The following LIMCH1 variants were observed in gnomAD, a reference collection of about 807,000 sequenced individuals.
LIMCH1 encodes LIM and calponin homology domains 1, also known as LIM and calponin homology domains-containing protein 1.
A neutral mutation model predicts 176.5 loss-of-function variants in LIMCH1; 113 were observed. That is an observed-to-expected ratio of 0.64 (90% CI 0.55 to 0.75). The LOEUF (loss-of-function observed/expected upper bound fraction) is 0.75, where lower values mean the gene tolerates loss of function less well. Ranked by LOEUF, LIMCH1 falls within the 30% of genes least tolerant of loss-of-function variation. LIMCH1 has a pLI of 0.00. For missense variants in LIMCH1, 1,674 were observed against 1,814.9 expected (o/e 0.92, Z 1.41); for synonymous variants, 619 against 645.9 (o/e 0.96, Z 0.63).
chr4:41,471,282 A>T (rs1293177042), intron 1 of LIMCH1, among the ~76,000 whole-genome samples: 1 of 152,232 alleles, frequency 6.6e-6, no homozygotes, highest in East Asian at 1.9e-4. Context: ...ACTACTATGC[A>T]TTATGAGTGT....
chr4:41,460,478 A>ATATATATATATATATATATATATATC lies in LIMCH1; in HGVS notation c.97-34057_97-34056insATATATATATATATATATATATATCT, dbSNP rs1410622782. Among the ~76,000 whole-genome samples, 24 of 145,062 alleles carry ATATATATATATATATATATATATATC rather than the reference A, an allele frequency of 1.7e-4. 1 individual carries two copies. Among genetic ancestry groups the ATATATATATATATATATATATATATC allele is most frequent in the African/African-American group, 5.7e-4 (22 of 38,842 alleles). On this transcript the variant is annotated intron_variant, in intron 1 of 26. Transcript: ENST00000313860. ...ATCATCTATATATATATATATATAT[A>ATATATATATATATATATATATATATC]TCTTATAATATCATGTTATAGATCT...
chr4:41,613,146 T>C (rs1238243895), intron 4 of LIMCH1: 22 of 1,455,466 alleles, frequency 1.5e-5, no homozygotes, highest in East Asian at 2.5e-5. Context: ...CATTGTACTG[T>C]TGTGAATCCA....
chr4:41,581,245 A>C (rs2085377811), intron 1 of LIMCH1, among the ~76,000 whole-genome samples: 1 of 152,140 alleles, frequency 6.6e-6, no homozygotes, highest in Non-Finnish European at 1.5e-5. Flanking sequence ...TGGTATATGT[A>C]TACACCGTGA....
intron 1 of LIMCH1, among the ~76,000 whole-genome samples, chr4:41,388,686 A>G (rs995732584): frequency 5.3e-5 from 8 of 151,690 alleles, no homozygotes; most frequent in African/African-American, 1.9e-4. Flanking sequence ...CTTGTCACCC[A>G]GGCTGGAGTG....
At chr4:41,631,690 T>C (rs2093334746) in intron 10 of LIMCH1, among the ~76,000 whole-genome samples, 1 of 152,238 alleles carries the variant, frequency 6.6e-6, no homozygotes. Flanking sequence ...GTCACCAGAA[T>C]CACTGCCTGG....
In LIMCH1 at chr4:41,593,930, CCT is replaced by C. The variant is rs200079071; in HGVS notation, c.-240-4978_-240-4977del. On this transcript the variant is annotated intron_variant, in intron 1 of 31. Coordinates refer to ENST00000503057, the MANE Select transcript of LIMCH1 (RefSeq NM_001330672.2). ...CACAGACAGGCAGACATACTCGCAA[CCT>C]CTCTCTCTCTCCCTTCCCCCACACG... Among the ~76,000 whole-genome samples, 11 of 151,798 alleles carry C rather than the reference CCT, an allele frequency of 7.2e-5. No individual in the cohort carries two copies. In the East Asian group the frequency reaches 1.3e-3, roughly 19 times the overall value.
intron 1 of LIMCH1, among the ~76,000 whole-genome samples, chr4:41,562,188 C>G (rs573411751): frequency 6.6e-6 from 1 of 152,310 alleles, no homozygotes; most frequent in African/African-American, 2.4e-5. Context: ...ATCAACCTCT[C>G]TCCACTTTGC....
At chr4:41,455,938 T>C (rs1334736560) in intron 1 of LIMCH1, among the ~76,000 whole-genome samples, 2 of 152,242 alleles carry the variant, frequency 1.3e-5, no homozygotes, top group Non-Finnish European at 2.9e-5. Context: ...AAATGACTAG[T>C]AAAATTACTT....
intron 1 of LIMCH1, among the ~76,000 whole-genome samples, chr4:41,578,583 G>A (rs2084880330): frequency 1.3e-5 from 2 of 152,100 alleles, no homozygotes; most frequent in Non-Finnish European, 2.9e-5. Flanking sequence ...TGGCCAATTT[G>A]ATGGGTAAAA....
intron 13 of LIMCH1, among the ~76,000 whole-genome samples, chr4:41,634,937 G>C (rs747993017): frequency 6.6e-6 from 1 of 152,122 alleles, no homozygotes; most frequent in Non-Finnish European, 1.5e-5. Flanking sequence ...CCCTGGATCC[G>C]CGGGCTTCTG....
intron 3 of LIMCH1, among the ~76,000 whole-genome samples, chr4:41,531,793 G>A (rs2077349149): frequency 6.6e-6 from 1 of 152,152 alleles, no homozygotes; most frequent in African/African-American, 2.4e-5. Context: ...AAACCCTCAT[G>A]TGTTTTTCCT....
At chr4:41,446,770 T>C (rs766005429) in intron 1 of LIMCH1, among the ~76,000 whole-genome samples, 19 of 152,240 alleles carry the variant, frequency 1.2e-4, no homozygotes, top group Non-Finnish European at 1.2e-4. Context: ...TTTCATGATC[T>C]TTCAAAGTTT....
At chr4:41,460,777 A>C (rs1019821147) in intron 1 of LIMCH1, among the ~76,000 whole-genome samples, 2 of 152,094 alleles carry the variant, frequency 1.3e-5, no homozygotes, top group African/African-American at 4.8e-5. Context: ...TCTTATAGAA[A>C]AGCCTTTTAT....
At chr4:41,508,112 T>C (rs1299709090) in intron 2 of LIMCH1, among the ~76,000 whole-genome samples, 3 of 152,098 alleles carry the variant, frequency 2.0e-5, no homozygotes, top group Admixed American at 6.6e-5. Context: ...GTAGACTTGT[T>C]TGGCCAAAAG....
chr4:41,665,065 A>G (rs547931871), intron 20 of LIMCH1, among the ~76,000 whole-genome samples: 5 of 152,148 alleles, frequency 3.3e-5, no homozygotes, highest in Non-Finnish European at 5.9e-5. Context: ...TTTCTCACTT[A>G]GACTATGTGA....
chr4:41,671,076 T>A, intron 21 of LIMCH1: 16 of 605,372 alleles, frequency 2.6e-5, no homozygotes, highest in Non-Finnish European at 3.1e-5. Context: ...AAAAAAAAGA[T>A]TAAAAGCATT....
chr4:41,567,148 A>G (rs949223530), intron 1 of LIMCH1, among the ~76,000 whole-genome samples: 15 of 152,208 alleles, frequency 9.9e-5, no homozygotes, highest in African/African-American at 2.7e-4. Flanking sequence ...AGAATAAAGG[A>G]TGCTGAGGTT....
intron 12 of LIMCH1, 60 bp downstream of exon 12, chr4:41,633,145 G>A (rs2093413318): frequency 7.3e-6 from 9 of 1,239,566 alleles, no homozygotes; most frequent in African/African-American, 1.5e-5. Context: ...TGTGGCTGTC[G>A]TGTTCCCAAA....
intron 1 of LIMCH1, among the ~76,000 whole-genome samples, chr4:41,426,807 C>T (rs578247134): frequency 2.0e-5 from 3 of 152,340 alleles, no homozygotes; most frequent in Admixed American, 1.3e-4. Context: ...AATCTAGGCT[C>T]TCATGTTTAC....
Sources: allele counts gnomAD v4.1 joint callset (sites outside exome capture counted in the v4.1 genomes callset), GRCh38; gene constraint gnomAD v4.1.1; transcripts MANE v1.5; gene names NCBI Gene and HGNC (gene_info 2026-07-23, HGNC 2026-07-21).